The following TUBGCP5 variants were observed in gnomAD, a reference collection of about 807,000 sequenced individuals.
The protein encoded by TUBGCP5 is gamma-tubulin complex component 5.
TUBGCP5 carries 98 observed loss-of-function variants against 134.7 expected under a neutral mutation model. The ratio of observed to expected loss-of-function variants is 0.73; its 90% CI spans 0.62 to 0.86. The LOEUF (loss-of-function observed/expected upper bound fraction) is 0.86. Among genes scored for constraint, TUBGCP5 ranks in the 40% least tolerant of loss-of-function variants. The pLI, the probability that TUBGCP5 is intolerant of heterozygous loss-of-function variation, is 0.00. For synonymous variants in TUBGCP5, 456 were observed against 431.4 expected, an observed-to-expected ratio of 1.06 and a Z score of -0.71; for missense variants, 1,150 against 1,244.8, an observed-to-expected ratio of 0.92 and a Z score of 1.15.
chr15:23,017,714 G>C, intron 13 of TUBGCP5, 59 bp downstream of exon 13: 1 of 1,513,994 alleles, frequency 6.6e-7, no homozygotes, highest in Non-Finnish European at 8.9e-7. Flanking sequence ...AGGATGACAA[G>C]AGCGAGTAGG....
intron 8 of TUBGCP5, among the ~76,000 whole-genome samples, chr15:23,025,659 C>T (rs1049110215): frequency 3.9e-5 from 6 of 151,934 alleles, no homozygotes; most frequent in Non-Finnish European, 5.9e-5. Flanking sequence ...GGTGAAACCC[C>T]GTCTCTACTA....
rs368277514 is a variant in TUBGCP5, at chr15:23,013,233, A to G, written c.1757-1902T>C. Among the ~76,000 whole-genome samples, 1 of 152,086 alleles carries G rather than the reference A, an allele frequency of 6.6e-6. No individual in the cohort carries two copies. The highest frequency in any genetic ancestry group is 1.9e-4 in the East Asian group (1 of 5,156). ...TTCAGGAGGCCGAGGCGGGCGGATCATGAGGTCAGGGGATCGAGACCATAC... is the reference window on the plus strand; with the variant it reads ...TTCAGGAGGCCGAGGCGGGCGGATCGTGAGGTCAGGGGATCGAGACCATAC... On this transcript the variant is annotated intron_variant, in intron 13 of 22. Coordinates refer to ENST00000615383, the MANE Select transcript of TUBGCP5 (RefSeq NM_052903.6). The surrounding 1 kb of genome is among the most constrained non-coding windows in gnomAD (Gnocchi z 4.5).
In TUBGCP5 at chr15:23,015,426, G is replaced by C. The variant is rs1388540409; in HGVS notation, c.1756+2347C>G. On this transcript the variant is annotated intron_variant, in intron 13 of 22. Coordinates refer to ENST00000615383, the MANE Select transcript of TUBGCP5 (RefSeq NM_052903.6). The stretch of plus-strand genomic sequence containing the variant: ...GGAGGCCGAGGCGGGTGGATTGCTT[G>C]AGGCTAGGAGTTTGAGATCAGCCTC... Among the ~76,000 whole-genome samples the C allele has an allele frequency of 2.7e-5, 4 of 150,646 alleles. No individual in the cohort carries two copies. In the East Asian group the frequency reaches 8.2e-4, roughly 31 times the overall value.
At chr15:22,989,136 G>A (rs1237541861) in intron 23 of TUBGCP5, among the ~76,000 whole-genome samples, 1 of 152,102 alleles carries the variant, frequency 6.6e-6, no homozygotes, top group Admixed American at 6.5e-5. Flanking sequence ...TCTATCTCAA[G>A]TCAGTGGACT....
chr15:22,991,933 T>C (rs2063858025), intron 23 of TUBGCP5, among the ~76,000 whole-genome samples: 1 of 152,198 alleles, frequency 6.6e-6, no homozygotes, highest in South Asian at 2.1e-4. Flanking sequence ...GAGGTTGTAC[T>C]AGTGATAGGG....
downstream of TUBGCP5, chr15:22,999,161 C>G (rs2064230991): frequency 6.6e-6 from 1 of 152,056 alleles, no homozygotes; most frequent in Admixed American, 6.6e-5. Context: ...AGGACAGCAG[C>G]AAAAGGATAA....
chr15:23,000,966 G>A (rs1027899175), intron 21 of TUBGCP5, among the ~76,000 whole-genome samples: 2 of 152,072 alleles, frequency 1.3e-5, no homozygotes, highest in Non-Finnish European at 2.9e-5. Context: ...TGTTTTTATT[G>A]TTTACAAGCA....
chr15:23,025,336 C>T (rs1311732127), intron 8 of TUBGCP5, among the ~76,000 whole-genome samples: 1 of 152,178 alleles, frequency 6.6e-6, no homozygotes, highest in Non-Finnish European at 1.5e-5. Context: ...AAGTCTAAAA[C>T]ATGTTGTCAA....
At chr15:22,983,681 G>A (rs1413996393) in intron 23 of TUBGCP5, 1 of 152,106 alleles carries the variant, frequency 6.6e-6, no homozygotes, top group Non-Finnish European at 1.5e-5. Flanking sequence ...AACAATTGTA[G>A]TGGTATACTA....
intron 21 of TUBGCP5, 48 bp from the exon 22 acceptor site, chr15:23,000,717 T>TCATGTTAAA: frequency 7.1e-7 from 1 of 1,400,976 alleles, no homozygotes; most frequent in South Asian, 1.3e-5. Flanking sequence ...TGCGGGTATA[T>TCATGTTAAA]AGGTAGGCTT....
chr15:22,992,469 A>AAT (rs1217836279), intron 23 of TUBGCP5, among the ~76,000 whole-genome samples: 3 of 152,036 alleles, frequency 2.0e-5, no homozygotes, highest in Non-Finnish European at 2.9e-5. Flanking sequence ...GTGTATGGGT[A>AAT]ATATATATAT....
chr15:23,036,394 G>A (rs150959273), intron 3 of TUBGCP5, among the ~76,000 whole-genome samples: 1 of 152,272 alleles, frequency 6.6e-6, no homozygotes, highest in East Asian at 1.9e-4. Flanking sequence ...TTTGCTCTAA[G>A]CACCTTTTCC....
At chr15:23,007,397 A>AG (rs1555435430) in intron 16 of TUBGCP5, among the ~76,000 whole-genome samples, 1 of 152,132 alleles carries the variant, frequency 6.6e-6, no homozygotes, top group East Asian at 1.9e-4. Flanking sequence ...CTCAAAAAAA[A>AG]GAATTTTTAG....
At chr15:22,998,954 T>A (rs934837360), downstream of TUBGCP5, among the ~76,000 whole-genome samples, 1 of 151,758 alleles carries the variant, frequency 6.6e-6, no homozygotes, top group Non-Finnish European at 1.5e-5. Flanking sequence ...AGAGATGGGG[T>A]CTCATATGTT....
intron 23 of TUBGCP5, among the ~76,000 whole-genome samples, chr15:22,988,550 A>C (rs56747278): frequency 6.6e-6 from 1 of 151,010 alleles, no homozygotes; most frequent in Non-Finnish European, 1.5e-5. Context: ...TGGCTAACAC[A>C]GTGAAACCCC....
chr15:23,019,297 C>T lies in TUBGCP5; in HGVS notation c.1409G>A (p.Arg470Gln), dbSNP rs748193647. 9.9e-6 allele frequency: 16 copies of T among 1,613,864 alleles called. No individual in the cohort carries two copies. Among genetic ancestry groups the T allele is most frequent in the African/African-American group, 2.7e-5 (2 of 74,878 alleles). ...LLFSLWVETV[R>Q]PYLQTVDEWI... ...CTCGTCCACCGTCTGCAGGTAAGGC[C>T]GCACCGTTTCCACCCAGAGAGAGAA... The change falls in exon 12 of 23, where the codon CGG becomes CAG. Residue 470 changes from arginine (R) to glutamine (Q), a missense_variant. Around this residue, in one of 2 missense-constraint regions of TUBGCP5, gnomAD observed 697 missense variants for 850.1 expected, o/e 0.82. Transcript: ENST00000615383.
chr15:23,031,519 T>G (rs1340648314), intron 5 of TUBGCP5, among the ~76,000 whole-genome samples: 2 of 152,178 alleles, frequency 1.3e-5, no homozygotes, highest in African/African-American at 4.8e-5. Context: ...TTTCACTATG[T>G]TGCCCAGGCT....
intron 23 of TUBGCP5, among the ~76,000 whole-genome samples, chr15:22,988,147 T>G (rs1181906939): frequency 8.7e-6 from 1 of 115,220 alleles, no homozygotes; most frequent in Non-Finnish European, 1.9e-5. Context: ...CAGTACCTTA[T>G]ATGAAGAAAG....
intron 19 of TUBGCP5, 173 bp from the exon 20 acceptor site, chr15:23,004,400 G>T (rs2305092): frequency 6.6e-6 from 5 of 754,230 alleles, no homozygotes; most frequent in Non-Finnish European, 1.0e-5. Context: ...ATACTCTGGC[G>T]TTCTGATCCT....
Sources: gnomAD v4.1 joint callset for allele counts (sites outside exome capture counted in the v4.1 genomes callset) on GRCh38, gnomAD v4.1.1 for gene constraint, gnomAD v4.1.1 regional missense constraint, Gnocchi (gnomAD v3.1) non-coding constraint, MANE v1.5 for transcripts, NCBI Gene and HGNC (gene_info 2026-07-23, HGNC 2026-07-21) for gene names.